The following ZNF536 variants were observed in gnomAD, a reference collection of about 807,000 sequenced individuals.
ZNF536 encodes the protein zinc finger protein 536.
Under a neutral mutation model 84.5 loss-of-function variants are expected in ZNF536, and 13 were observed. The observed-to-expected ratio is 0.15, with a 90% CI of 0.10 to 0.24. The LOEUF (loss-of-function observed/expected upper bound fraction) is 0.24, where lower values mean the gene tolerates loss of function less well. Among genes scored for constraint, ZNF536 ranks in the 10% least tolerant of loss-of-function variants. The pLI is 1.00. For missense variants in ZNF536, 1,536 were observed against 1,747.5 expected, an observed-to-expected ratio of 0.88 and a Z score of 2.16; for synonymous variants, 811 against 742.5, an observed-to-expected ratio of 1.09 and a Z score of -1.50.
intron 1 of ZNF536, among the ~76,000 whole-genome samples, chr19:30,617,416 T>C (rs372607142): frequency 6.1e-4 from 84 of 137,080 alleles, no homozygotes; most frequent in African/African-American, 2.1e-3. Flanking sequence ...AGTGGTGCAA[T>C]CTCGGCTCAC....
At chr19:30,534,773 G>A (rs2145928119) in intron 2 of ZNF536, 74 bp from the exon 3 acceptor site, 1 of 1,470,900 alleles carries the variant, frequency 6.8e-7, no homozygotes, top group Non-Finnish European at 9.1e-7. Context: ...ACTTTGTGTG[G>A]TGTTAGCAGT....
chr19:30,468,832 T>C (rs1470220921), intron 2 of ZNF536, among the ~76,000 whole-genome samples: 1 of 151,910 alleles, frequency 6.6e-6, no homozygotes, highest in Admixed American at 6.6e-5. Flanking sequence ...AGAAGAGGCA[T>C]GGGGAGCTTT....
intron 3 of ZNF536, among the ~76,000 whole-genome samples, chr19:30,358,981 G>C (rs995392375): frequency 7.2e-5 from 11 of 152,194 alleles, no homozygotes; most frequent in Non-Finnish European, 8.8e-5. Flanking sequence ...CAAATGCATG[G>C]AGCTGAGTGT....
intron 2 of ZNF536, among the ~76,000 whole-genome samples, chr19:30,330,485 T>TGGGGATGG (rs1291381897): frequency 6.6e-6 from 1 of 152,148 alleles, no homozygotes; most frequent in African/African-American, 2.4e-5. Context: ...ACTTTGGAGC[T>TGGGGATGG]GGGGATGGGG....
At position 30,492,115 on chromosome 19, in the gene ZNF536, G is replaced by A. The variant is rs142179404; in HGVS notation, c.2171-42732G>A. On this transcript the variant is annotated intron_variant, in intron 2 of 4. Transcript: ENST00000355537. ...GGGTGAGGGTGGGGGTGGGCAGGTC[G>A]GATCATGAAGGGACACAGAATATTA... Among the ~76,000 whole-genome samples, 840 of 152,116 alleles carry A rather than the reference G, an allele frequency of 5.5e-3. 2 individuals carry two copies. The highest frequency in any genetic ancestry group is 8.8e-3 in the Non-Finnish European group (596 of 68,006).
At chr19:30,227,614 G>C (rs547244424), upstream of ZNF536, among the ~76,000 whole-genome samples, 1 of 152,214 alleles carries the variant, frequency 6.6e-6, no homozygotes, top group Non-Finnish European at 1.5e-5. Context: ...TGCGTCCTGG[G>C]GGCTGGGTCG....
chr19:30,579,549 G>T (rs1005750519), intron 1 of ZNF536, among the ~76,000 whole-genome samples: 4 of 152,186 alleles, frequency 2.6e-5, no homozygotes, highest in Non-Finnish European at 1.5e-5. Context: ...GAAACGCAGA[G>T]GCACTTCTGC....
chr19:30,611,168 T>A (rs148651268), intron 1 of ZNF536, among the ~76,000 whole-genome samples: 257 of 152,250 alleles, frequency 1.7e-3, no homozygotes, highest in African/African-American at 5.9e-3. Context: ...GTAGAATAAG[T>A]GACCTGTTCA....
intron 1 of ZNF536, among the ~76,000 whole-genome samples, chr19:30,438,330 A>G (rs2051850768): frequency 6.6e-6 from 1 of 152,226 alleles, no homozygotes; most frequent in African/African-American, 2.4e-5. Context: ...GATTAGCTCA[A>G]CATGGATTAA....
At chr19:30,573,716 T>C (rs1425030420) in intron 1 of ZNF536, among the ~76,000 whole-genome samples, 1 of 152,156 alleles carries the variant, frequency 6.6e-6, no homozygotes, top group Non-Finnish European at 1.5e-5. Context: ...CGTCAGGACT[T>C]TTGATGGCCA....
intron 1 of ZNF536, among the ~76,000 whole-genome samples, chr19:30,677,571 C>T (rs760452742): frequency 5.9e-5 from 9 of 152,250 alleles, no homozygotes; most frequent in Non-Finnish European, 1.2e-4. Flanking sequence ...AAAATGTCCC[C>T]CGGGGACACA....
At chr19:30,383,322 AATGC>A (rs953196598) in intron 1 of ZNF536, among the ~76,000 whole-genome samples, 1 of 152,114 alleles carries the variant, frequency 6.6e-6, no homozygotes, top group Non-Finnish European at 1.5e-5. Context: ...AAAAAAAACA[AATGC>A]AACTCAGGTT....
intron 1 of ZNF536, among the ~76,000 whole-genome samples, chr19:30,574,216 G>T (rs1172715335): frequency 6.6e-6 from 1 of 152,142 alleles, no homozygotes; most frequent in Non-Finnish European, 1.5e-5. Flanking sequence ...ATGTAGAAAG[G>T]CTTCTTTTGT....
At chr19:30,536,999 G>A (rs1174417285) in intron 3 of ZNF536, among the ~76,000 whole-genome samples, 2 of 152,056 alleles carry the variant, frequency 1.3e-5, no homozygotes, top group African/African-American at 4.8e-5. Context: ...CCTTCCCTGT[G>A]TCACTTCTCT....
At chr19:30,433,476 A>T (rs2051571641) in intron 1 of ZNF536, among the ~76,000 whole-genome samples, 1 of 152,206 alleles carries the variant, frequency 6.6e-6, no homozygotes, top group African/African-American at 2.4e-5. Context: ...TAAGACTGAC[A>T]ACAGGAGCAT....
intron 1 of ZNF536, among the ~76,000 whole-genome samples, chr19:30,380,097 A>G (rs1343621158): frequency 2.0e-5 from 3 of 152,160 alleles, no homozygotes; most frequent in Admixed American, 6.5e-5. Context: ...TCCAGCAGGG[A>G]GCTGAGCTGA....
At chr19:30,472,148 C>T (rs924451649) in intron 2 of ZNF536, among the ~76,000 whole-genome samples, 9 of 152,012 alleles carry the variant, frequency 5.9e-5, no homozygotes, top group African/African-American at 2.2e-4. Context: ...GTACAGCTGC[C>T]AACCGGCTTC....
intron 2 of ZNF536, among the ~76,000 whole-genome samples, chr19:30,448,089 A>G (rs1448944202): frequency 1.3e-5 from 2 of 152,216 alleles, no homozygotes; most frequent in Admixed American, 6.5e-5. Flanking sequence ...AGTTGTGGTT[A>G]TCTTCTCACT....
intron 1 of ZNF536, among the ~76,000 whole-genome samples, chr19:30,665,034 A>C (rs2050265723): frequency 6.6e-6 from 1 of 152,254 alleles, no homozygotes; most frequent in Admixed American, 6.5e-5. Context: ...AAAAAAATTA[A>C]AAGAAAGTTT....
Sources: allele counts gnomAD v4.1 joint callset (sites outside exome capture counted in the v4.1 genomes callset), GRCh38; gene constraint gnomAD v4.1.1; transcripts MANE v1.5; gene names NCBI Gene and HGNC (gene_info 2026-07-23, HGNC 2026-07-21).